Variants in HERC1 observed in about 807,000 individuals in gnomAD.
The protein encoded by HERC1 is probable E3 ubiquitin-protein ligase HERC1.
Under a neutral mutation model 554.3 loss-of-function variants are expected in HERC1, and 160 were observed. That is an observed-to-expected ratio of 0.29 (90% CI 0.25 to 0.33). HERC1 has a LOEUF of 0.33. Among genes scored for constraint, HERC1 ranks in the 10% least tolerant of loss-of-function variants. The probability of loss-of-function intolerance (pLI) is 1.00; values close to 1 mark genes in which losing one functional copy is unlikely to be tolerated. For synonymous variants in HERC1, 2,175 were observed against 2,131.7 expected (o/e 1.02, Z -0.56); for missense variants, 4,919 against 5,918.5 (o/e 0.83, Z 5.54).
rs772376712 is a variant in HERC1 at position 63,660,992 on chromosome 15, C to T, written c.9204G>A (p.Lys3068=). The T allele has an allele frequency of 1.7e-5, 28 of 1,611,236 alleles. No individual in the cohort carries two copies. The highest frequency in any genetic ancestry group is 2.3e-5 in the Non-Finnish European group (27 of 1,177,588). ...AACTACCTTCATACACACTGTCTTG[C>T]TTGCCAATTAGATCTGGAGCTTGTC... is the stretch of plus-strand genomic sequence containing the variant. The part of the protein sequence containing the change: ...YKGQAPDLIG[K]QDSVYEEDWD... Residue 3068 remains lysine, a synonymous_variant, in exon 46 of 78, where the codon AAG becomes AAA. Transcript: ENST00000443617.
intron 1 of HERC1, among the ~76,000 whole-genome samples, chr15:63,789,402 T>A (rs1003179914): frequency 2.0e-5 from 3 of 152,052 alleles, no homozygotes; most frequent in Admixed American, 1.3e-4. Context: ...AAGGTTTTTT[T>A]AAATGATTTA....
intron 1 of HERC1, among the ~76,000 whole-genome samples, chr15:63,805,529 T>G (rs546691224): frequency 1.3e-4 from 20 of 152,306 alleles, no homozygotes; most frequent in African/African-American, 4.3e-4. Flanking sequence ...TTTCTGGGTA[T>G]GATGAAAAGA....
At position 63,810,628 on chromosome 15, in the gene HERC1, T is replaced by C. The variant is rs926372987; in HGVS notation, c.-27+23199A>G. ...TCTTAACATTTGCATATATTGCTTC[T>C]TTTTTTTAATTTAAAAAAAGGGCAA... On this transcript the variant is annotated intron_variant, in intron 1 of 77. Coordinates refer to ENST00000443617, the MANE Select transcript of HERC1 (RefSeq NM_003922.4). 2.6e-5 allele frequency among the ~76,000 whole-genome samples: 4 copies of C among 152,142 alleles called. No homozygotes were observed. The East Asian group carries it at 7.7e-4, about 29-fold the overall frequency.
At chr15:63,610,143 AAAAG>A (rs1217228875) in intron 77 of HERC1, among the ~76,000 whole-genome samples, 5 of 152,150 alleles carry the variant, frequency 3.3e-5, no homozygotes, top group African/African-American at 1.2e-4. Context: ...AAAAAAAAAA[AAAAG>A]AACCTGTCTT....
At chr15:63,742,592 A>G (rs2074854682) in intron 12 of HERC1, among the ~76,000 whole-genome samples, 1 of 152,192 alleles carries the variant, frequency 6.6e-6, no homozygotes, top group Admixed American at 6.5e-5. Context: ...TGAATATGAT[A>G]TTAACTATAA....
chr15:63,675,525 T>C (rs2071153236), intron 37 of HERC1, among the ~76,000 whole-genome samples: 1 of 152,190 alleles, frequency 6.6e-6, no homozygotes, highest in Non-Finnish European at 1.5e-5. Context: ...TACCTTTACT[T>C]ATAAAAACAG....
intron 48 of HERC1, among the ~76,000 whole-genome samples, chr15:63,657,726 A>G (rs1206701561): frequency 6.6e-6 from 1 of 152,138 alleles, no homozygotes; most frequent in Non-Finnish European, 1.5e-5. Flanking sequence ...CAATTCTTCT[A>G]TGTTACCTTC....
At chr15:63,698,668 T>C in intron 26 of HERC1, 60 bp downstream of exon 26, 1 of 1,505,274 alleles carries the variant, frequency 6.6e-7, no homozygotes, top group South Asian at 1.3e-5. Context: ...GAACTATACA[T>C]TCAATGGTTC....
intron 2 of HERC1, among the ~76,000 whole-genome samples, chr15:63,772,692 C>T (rs2075989906): frequency 6.6e-6 from 1 of 152,138 alleles, no homozygotes; most frequent in Admixed American, 6.6e-5. Context: ...ACGCCTCCCA[C>T]AGCTGGTCCC....
Position 63,660,154 on chromosome 15 carries a change from A to G in HERC1, c.9224-218T>C, listed in dbSNP as rs548543127. Among the ~76,000 whole-genome samples the G allele has an allele frequency of 2.6e-5, 4 of 151,950 alleles. No homozygotes were observed. In the South Asian group the frequency reaches 8.3e-4, roughly 32 times the overall value. On this transcript the variant is annotated intron_variant, in intron 46 of 77. Coordinates refer to ENST00000443617, the MANE Select transcript of HERC1 (RefSeq NM_003922.4). ...GCCAACATGATGAAACCCCATCCCC[A>G]CCAAAAAATACAAAAATTAGCCAGG...
At position 63,694,488 on chromosome 15, in the gene HERC1, T is replaced by C; in HGVS notation, c.5304A>G (p.Val1768=). The C allele has an allele frequency of 6.2e-7, 1 of 1,614,022 alleles. No homozygotes were observed. The highest frequency in any genetic ancestry group is 1.7e-5 in the Admixed American group (1 of 60,024). The change falls in exon 29 of 78, where the codon GTA becomes GTG. Residue 1768 remains valine, a synonymous_variant. Transcript: ENST00000443617. This position sits in a 1 kb window ranked among gnomAD's most constrained non-coding sequence, Gnocchi z 4.3. ...CAGTGGAAATTGCCAAAGAAACATC[T>C]ACTGGTTGATAATGAACACTTAGGG... ...VFALSVHYQP[V]DVSLAISTGL...
Position 63,674,869 on chromosome 15 carries a change from A to G in HERC1, c.7319T>C (p.Met2440Thr), listed in dbSNP as rs774669726. The G allele has an allele frequency of 3.7e-6, 6 of 1,613,786 alleles. No individual in the cohort carries two copies. Among genetic ancestry groups the G allele is most frequent in the African/African-American group, 1.3e-5 (1 of 75,044 alleles). The change falls in exon 38 of 78, where the codon ATG (methionine) becomes ACG (threonine). Residue 2440 changes from methionine to threonine, a missense_variant. By Grantham distance (81) the Met-to-Thr change is moderately conservative. Coordinates refer to ENST00000443617, the MANE Select transcript of HERC1 (RefSeq NM_003922.4). ...GTCATCAGATGTTAGGCCTGTTCGC[A>G]TATCTAAAGCGGATTCACTCTCAGG... is the stretch of plus-strand genomic sequence containing the variant. Reference protein sequence around the residue: ...QKPESESALDMRTGLTSDDVK... With the variant: ...QKPESESALDTRTGLTSDDVK...
Position 63,718,911 on chromosome 15 carries a change from T to C in HERC1, c.3743-14A>G. Reference sequence around the variant, plus strand: ...CACTGTCCCAATCTGAAAATAAAAATGATGCATTGACATTTAAAAGGGCTC... The same window carrying C: ...CACTGTCCCAATCTGAAAATAAAAACGATGCATTGACATTTAAAAGGGCTC... On this transcript the variant is annotated splice_polypyrimidine_tract_variant and intron_variant, in intron 19 of 77. Coordinates refer to ENST00000443617, the MANE Select transcript of HERC1 (RefSeq NM_003922.4). This position sits in a 1 kb window ranked among gnomAD's most constrained non-coding sequence, Gnocchi z 4.2. 6.5e-7 allele frequency: 1 copy of C among 1,549,442 alleles called. No homozygotes were observed.
chr15:63,752,065 C>A (rs946831685), intron 8 of HERC1, among the ~76,000 whole-genome samples: 3 of 152,138 alleles, frequency 2.0e-5, no homozygotes, highest in African/African-American at 7.2e-5. Context: ...TTCATGGATT[C>A]TTACTACAAA....
chr15:63,817,968 G>C (rs1357612969), intron 1 of HERC1, among the ~76,000 whole-genome samples: 1 of 151,932 alleles, frequency 6.6e-6, no homozygotes, highest in African/African-American at 2.4e-5. Flanking sequence ...GATTAATCCA[G>C]AGTCAGGCAC....
Position 63,723,195 on chromosome 15 carries a change from A to G in HERC1, c.3729T>C (p.Tyr1243=), listed in dbSNP as rs769300245. 1.3e-6 allele frequency: 2 copies of G among 1,534,250 alleles called. No individual in the cohort carries two copies. Among genetic ancestry groups the G allele is most frequent in the Non-Finnish European group, 1.8e-6 (2 of 1,139,044 alleles). The change falls in exon 19 of 78, where the codon TAT becomes TAC. Residue 1243 remains tyrosine (Y), a synonymous_variant. Coordinates refer to ENST00000443617, the MANE Select transcript of HERC1 (RefSeq NM_003922.4). ...ARSLWISMQD[Y]AVSKDWDSAT... is the part of the protein sequence containing the mutation. Reference sequence around the variant, plus strand: ...TCTTTATCTTACCTTTACTAACAGCATAGTCCTGCATGCTGATCCAAAGGC... The same window carrying G: ...TCTTTATCTTACCTTTACTAACAGCGTAGTCCTGCATGCTGATCCAAAGGC...
intron 1 of HERC1, among the ~76,000 whole-genome samples, chr15:63,789,370 G>A (rs1368402246): frequency 1.3e-5 from 2 of 151,580 alleles, no homozygotes; most frequent in African/African-American, 4.8e-5. Flanking sequence ...GATTACAGGC[G>A]TGAGCCACCG....
intron 1 of HERC1, among the ~76,000 whole-genome samples, chr15:63,782,220 G>A (rs1252093133): frequency 5.3e-5 from 8 of 152,192 alleles, no homozygotes; most frequent in Non-Finnish European, 1.0e-4. Context: ...TGCCATCTAG[G>A]ACTTTCATAG....
At chr15:63,641,274 G>T (rs549814269) in intron 60 of HERC1, among the ~76,000 whole-genome samples, 196 bp downstream of exon 60, 89 of 152,274 alleles carry the variant, frequency 5.8e-4, no homozygotes, top group African/African-American at 2.1e-3. Context: ...TTTTACTCTG[G>T]TGAAAATAAA....
Sources: allele counts gnomAD v4.1 joint callset (sites outside exome capture counted in the v4.1 genomes callset), GRCh38; gene constraint gnomAD v4.1.1; non-coding constraint Gnocchi (gnomAD v3.1); transcripts MANE v1.5; gene names NCBI Gene and HGNC (gene_info 2026-07-23, HGNC 2026-07-21).